Variants in KMT2C observed in about 807,000 individuals in gnomAD.
KMT2C encodes lysine methyltransferase 2C, also known as histone-lysine N-methyltransferase 2C.
A neutral mutation model predicts 507.9 loss-of-function variants in KMT2C; 88 were observed. The ratio of observed to expected loss-of-function variants is 0.17; its 90% CI spans 0.15 to 0.21. KMT2C has a LOEUF of 0.21. KMT2C is among the 10% of genes least tolerant of loss of function. The pLI is 1.00. For missense variants in KMT2C, 4,954 were observed against 5,957.8 expected (o/e 0.83, Z 5.55); for synonymous variants, 2,049 against 2,080.8 (o/e 0.98, Z 0.42).
chr7:152,175,897 G>C (rs2093182883), intron 38 of KMT2C, among the ~76,000 whole-genome samples: 2 of 152,094 alleles, frequency 1.3e-5, no homozygotes, highest in South Asian at 4.1e-4. Flanking sequence ...ACAAAAATTG[G>C]CCAGGCATGG....
rs565855077 is a variant in KMT2C, at chr7:152,181,488, C to T, written c.6372G>A (p.Arg2124=). 81 of 1,613,856 alleles carry T rather than the reference C, an allele frequency of 5.0e-5. 1 individual carries two copies. In the South Asian group the frequency reaches 8.2e-4, roughly 16 times the overall value. Residue 2124 remains arginine, a synonymous_variant, in exon 36 of 59, where the codon AGG becomes AGA. Transcript: ENST00000262189. The part of the protein sequence containing the change: ...RAFSQPGTIS[R]PTSQDPYSQP... Reference sequence around the variant, plus strand: ...GGGAGTATGGGTCCTGAGATGTTGGCCTTGATATGGTTCCAGGCTGGGAAA... The same window carrying T: ...GGGAGTATGGGTCCTGAGATGTTGGTCTTGATATGGTTCCAGGCTGGGAAA...
chr7:152,194,360 A>C, intron 29 of KMT2C, 80 bp downstream of exon 29: 1 of 1,471,916 alleles, frequency 6.8e-7, no homozygotes, highest in East Asian at 2.3e-5. Flanking sequence ...TAGAAGTTAA[A>C]TTATAACCAT....
chr7:152,290,272 ATATATATATATATATATATATAT>A (rs2096395292), intron 6 of KMT2C, among the ~76,000 whole-genome samples: 1 of 23,424 alleles, frequency 4.3e-5, no homozygotes, highest in Non-Finnish European at 7.6e-5. Context: ...ATATATATAT[ATATATATATATATATATATATAT>A]TTTTTTTTTT....
chr7:152,154,994 T>G (rs1295571415), intron 46 of KMT2C: 2 of 152,342 alleles, frequency 1.3e-5, no homozygotes, highest in African/African-American at 4.8e-5. Context: ...TCGGCCCTTA[T>G]TTTTCTTAAC....
At chr7:152,375,908 C>CCTCA (rs2097325677) in intron 1 of KMT2C, among the ~76,000 whole-genome samples, 1 of 152,120 alleles carries the variant, frequency 6.6e-6, no homozygotes. Context: ...CTCACTGCAG[C>CCTCA]CTCAACCTTC....
intron 2 of KMT2C, among the ~76,000 whole-genome samples, chr7:152,352,338 C>T (rs2097119850): frequency 6.6e-6 from 1 of 152,204 alleles, no homozygotes; most frequent in Non-Finnish European, 1.5e-5. Flanking sequence ...AACTTCATTA[C>T]CAATTTTAAT....
intron 1 of KMT2C, among the ~76,000 whole-genome samples, chr7:152,400,509 A>C (rs1397612287): frequency 6.6e-6 from 1 of 152,208 alleles, no homozygotes; most frequent in African/African-American, 2.4e-5. Flanking sequence ...AAGGAAGAAG[A>C]ATCACACAGT....
In KMT2C at chr7:152,144,906, G is replaced by A. The variant is rs767928421; in HGVS notation, c.14175-25C>T. 3 of 1,582,918 alleles carry A rather than the reference G, an allele frequency of 1.9e-6. No individual in the cohort carries two copies. The highest frequency in any genetic ancestry group is 2.3e-5 in the South Asian group (2 of 88,162). ...CCTGCAGACAATGGCATATCAACAG[G>A]AAAAAAATACAAGGAAAACTGAAGA... On this transcript the variant is annotated intron_variant, in intron 54 of 58. Coordinates refer to ENST00000262189, the MANE Select transcript of KMT2C (RefSeq NM_170606.3). The surrounding 1 kb of genome is among the most constrained non-coding windows in gnomAD (Gnocchi z 4.4).
Position 152,432,978 on chromosome 7 carries a change from G to C in KMT2C, c.161+2648C>G, listed in dbSNP as rs187794717. Among the ~76,000 whole-genome samples the C allele has an allele frequency of 3.5e-3, 530 of 151,990 alleles. 5 individuals are homozygous for C. Among genetic ancestry groups the C allele is most frequent in the African/African-American group, 0.012 (478 of 41,450 alleles). ...CCTGGCCAACATGGTGAAACCCTGTGTCTACTAAAAATACAAAAAATTAGC... is the reference window on the plus strand; with the variant it reads ...CCTGGCCAACATGGTGAAACCCTGTCTCTACTAAAAATACAAAAAATTAGC... On this transcript the variant is annotated intron_variant, in intron 1 of 58. Coordinates refer to ENST00000262189, the MANE Select transcript of KMT2C (RefSeq NM_170606.3).
chr7:152,212,938 G>A (rs2094487704), intron 23 of KMT2C, among the ~76,000 whole-genome samples: 6 of 152,212 alleles, frequency 3.9e-5, no homozygotes, highest in Admixed American at 3.9e-4. Flanking sequence ...CCAGCTACTT[G>A]GGGGGCTGAG....
chr7:152,249,673 C>CAAAAAAAAAAAAAAAAAAAAAAAAAAA (rs1183345172), intron 13 of KMT2C, among the ~76,000 whole-genome samples: 1 of 34,516 alleles, frequency 2.9e-5, no homozygotes, highest in African/African-American at 6.7e-5. Flanking sequence ...CTCCCCCCTC[C>CAAAAAAAAAAAAAAAAAAAAAAAAAAA]AAAAAAAAAA....
intron 3 of KMT2C, among the ~76,000 whole-genome samples, chr7:152,324,275 A>G (rs1039213895): frequency 1.4e-4 from 21 of 151,058 alleles, no homozygotes; most frequent in African/African-American, 5.1e-4. Flanking sequence ...TTCTGCCATT[A>G]AAAGTAATGG....
rs575806970 is a variant in KMT2C, at chr7:152,159,027, G to T, written c.11506C>A (p.Gln3836Lys). 409 of 1,614,122 alleles carry T rather than the reference G, an allele frequency of 2.5e-4. 2 individuals are homozygous for T. In the South Asian group the frequency reaches 4.2e-3, roughly 17 times the overall value. ...QMQGGFGCGN[Q>K]LPKTDGGSET... ...CTTCCTCCATCTGTTTTTGGCAACT[G>T]GTTGCCACATCCAAAACCACCTTGC... is the stretch of plus-strand genomic sequence containing the variant. The change falls in exon 44 of 59, where the codon CAG becomes AAG. Residue 3836 changes from glutamine (Q) to lysine (K), a missense_variant. Physicochemically the swap from Gln to Lys is moderately conservative, Grantham distance 53. This residue lies in a region of KMT2C where 801 missense variants were observed against 751.2 expected (regional missense o/e 1.07). Coordinates refer to ENST00000262189, the MANE Select transcript of KMT2C (RefSeq NM_170606.3).
intron 1 of KMT2C, among the ~76,000 whole-genome samples, chr7:152,381,004 A>G (rs1227482019): frequency 6.6e-6 from 1 of 152,296 alleles, no homozygotes. Flanking sequence ...AATCATTTAT[A>G]TACTGGGAAA....
chr7:152,201,461 T>C (rs892211496), intron 26 of KMT2C, among the ~76,000 whole-genome samples: 2 of 152,016 alleles, frequency 1.3e-5, no homozygotes, highest in Non-Finnish European at 2.9e-5. Flanking sequence ...CTAGTTTTCA[T>C]ACTTGCAGAA....
intron 5 of KMT2C, 73 bp downstream of exon 5, chr7:152,311,725 G>A (rs2129200275): frequency 9.6e-7 from 1 of 1,044,258 alleles, no homozygotes; most frequent in Non-Finnish European, 1.4e-6. Flanking sequence ...TATTATTGAG[G>A]ACATTAATAA....
At chr7:152,137,004 T>A in intron 58 of KMT2C, 80 bp from the exon 59 acceptor site, 1 of 1,072,202 alleles carries the variant, frequency 9.3e-7, no homozygotes, top group Non-Finnish European at 1.4e-6. Context: ...CCTTGCATTT[T>A]AAAACCAGCA....
At chr7:152,198,665 G>C (rs1279737939) in intron 27 of KMT2C, among the ~76,000 whole-genome samples, 1 of 152,066 alleles carries the variant, frequency 6.6e-6, no homozygotes, top group Non-Finnish European at 1.5e-5. Context: ...CTGCATTTAG[G>C]ATAATGGTTC....
At chr7:152,314,080 C>A (rs893414150) in intron 4 of KMT2C, among the ~76,000 whole-genome samples, 5 of 152,042 alleles carry the variant, frequency 3.3e-5, no homozygotes, top group African/African-American at 1.2e-4. Context: ...AAAGCTATAG[C>A]CTCCAAAACA....
Sources: allele counts gnomAD v4.1 joint callset (sites outside exome capture counted in the v4.1 genomes callset), GRCh38; gene constraint gnomAD v4.1.1; regional missense constraint gnomAD v4.1.1; non-coding constraint Gnocchi (gnomAD v3.1); transcripts MANE v1.5; gene names NCBI Gene and HGNC (gene_info 2026-07-23, HGNC 2026-07-21).